DNAH6: variants seen among roughly 807,000 people sequenced by gnomAD.
The protein encoded by DNAH6 is axonemal beta dynein heavy chain 6.
DNAH6 carries 340 observed loss-of-function variants against 491.4 expected under a neutral mutation model. That is an observed-to-expected ratio of 0.69 (90% confidence interval 0.63 to 0.76). DNAH6 has a LOEUF of 0.76. DNAH6 is among the 30% of genes least tolerant of loss of function. DNAH6 has a pLI of 0.00. For missense variants in DNAH6, 4,443 were observed against 4,972.2 expected, an observed-to-expected ratio of 0.89 and a Z score of 3.20; for synonymous variants, 1,603 against 1,686.1, an observed-to-expected ratio of 0.95 and a Z score of 1.21.
At chr2:84,503,511 A>G in the DNAH6 span, among the ~76,000 whole-genome samples, 15 of 152,124 alleles carry the variant, frequency 9.9e-5, no homozygotes, top group East Asian at 2.5e-3. Flanking sequence ...GTGATCATTT[A>G]TTGCTCACTA....
intron 58 of DNAH6, among the ~76,000 whole-genome samples, chr2:84,716,856 T>C (rs1243216227): frequency 1.3e-5 from 2 of 152,166 alleles, no homozygotes; most frequent in African/African-American, 4.8e-5. Context: ...CTAACAGCCC[T>C]TAGCCAGGGT....
chr2:84,509,468 C>T, the DNAH6 span, among the ~76,000 whole-genome samples: 1 of 152,144 alleles, frequency 6.6e-6, no homozygotes, highest in Admixed American at 6.5e-5. Context: ...CTATGTGTGT[C>T]TCTTCACGTG....
chr2:84,557,401 C>G (rs910506864), intron 10 of DNAH6, among the ~76,000 whole-genome samples: 10 of 151,582 alleles, frequency 6.6e-5, no homozygotes, highest in Non-Finnish European at 1.5e-4. Flanking sequence ...AATCCCAGCA[C>G]TTTGGGAGGC....
rs1687236906 is a variant in DNAH6 at position 84,619,865 on chromosome 2, T to C, written c.3753T>C (p.Thr1251=). The C allele has an allele frequency of 1.3e-6, 2 of 1,551,320 alleles. No homozygotes were observed. The highest frequency in any genetic ancestry group is 2.4e-5 in the East Asian group (1 of 40,902). Residue 1251 remains threonine, a synonymous_variant, in exon 24 of 77, where the codon ACT becomes ACC. Coordinates refer to ENST00000389394, the MANE Select transcript of DNAH6 (RefSeq NM_001370.2). ...GIDGEPEKVY[T]NDILAMLSPE... ...ATGGAGAACCAGAAAAGGTTTATAC[T>C]AATGATATTTTAGCAATGCTGTCAC...
chr2:84,571,268 A>G (rs1198261219), intron 11 of DNAH6, among the ~76,000 whole-genome samples: 2 of 152,262 alleles, frequency 1.3e-5, no homozygotes, highest in African/African-American at 2.4e-5. Context: ...TCTGATGTGT[A>G]CTAAAATGCG....
At chr2:84,668,299 A>C (rs773415453) in intron 37 of DNAH6, among the ~76,000 whole-genome samples, 1 of 152,242 alleles carries the variant, frequency 6.6e-6, no homozygotes, top group African/African-American at 2.4e-5. Flanking sequence ...TGAATTGCAC[A>C]TAGTAGAGGT....
chr2:84,639,764 G>A (rs1689215698), intron 31 of DNAH6, among the ~76,000 whole-genome samples: 1 of 152,100 alleles, frequency 6.6e-6, no homozygotes, highest in Non-Finnish European at 1.5e-5. Flanking sequence ...AGAGCACTGT[G>A]CTAATCAGCA....
chr2:84,818,317 C>T (rs1680686408), intron 76 of DNAH6, among the ~76,000 whole-genome samples: 1 of 151,456 alleles, frequency 6.6e-6, no homozygotes, highest in Non-Finnish European at 1.5e-5. Context: ...GACGAGACCC[C>T]GTCTCTACAA....
intron 64 of DNAH6, among the ~76,000 whole-genome samples, chr2:84,773,481 T>C (rs1476737200): frequency 2.0e-5 from 3 of 152,106 alleles, no homozygotes; most frequent in Admixed American, 1.3e-4. Context: ...AGAATCTAGG[T>C]TGACTGAATA....
chr2:84,633,206 A>T (rs3890771), intron 29 of DNAH6, among the ~76,000 whole-genome samples: 4,369 of 152,176 alleles, frequency 0.029, 227 homozygotes, highest in African/African-American at 0.1. Context: ...ATTATTTTTG[A>T]ATCTCGGCGA....
At chr2:84,500,484 T>C in the DNAH6 span, among the ~76,000 whole-genome samples, 1 of 152,222 alleles carries the variant, frequency 6.6e-6, no homozygotes, top group Non-Finnish European at 1.5e-5. Flanking sequence ...GTTTTGCTCT[T>C]TTTGCTCAGG....
Position 84,611,831 on chromosome 2 carries a change from C to T in DNAH6, c.3452C>T (p.Ala1151Val). ...IMRKVNRLPNALRAATQPGLL... is the reference protein window; with the variant it reads ...IMRKVNRLPNVLRAATQPGLL... ...AGAAAGGTGAATCGGCTGCCTAATG[C>T]TCTTCGAGCCGCTACTCAGCCAGGT... is the stretch of plus-strand genomic sequence containing the variant. The change falls in exon 22 of 77, where the codon GCT becomes GTT. Residue 1151 changes from alanine to valine, a missense_variant. Coordinates refer to ENST00000389394, the MANE Select transcript of DNAH6 (RefSeq NM_001370.2). 2 of 1,550,774 alleles carry T rather than the reference C, an allele frequency of 1.3e-6. No individual in the cohort carries two copies. The highest frequency in any genetic ancestry group is 8.7e-7 in the Non-Finnish European group (1 of 1,146,464).
intron 68 of DNAH6, among the ~76,000 whole-genome samples, chr2:84,787,507 G>C (rs1677322814): frequency 7.1e-6 from 1 of 141,542 alleles, no homozygotes; most frequent in African/African-American, 2.9e-5. Flanking sequence ...AAATGGGACA[G>C]CTGCTTTCTC....
At position 84,694,430 on chromosome 2, in the gene DNAH6, A is replaced by G. The variant is rs1167672355; in HGVS notation, c.7474A>G (p.Met2492Val). ...FHEDLRKLYK[M>V]AGVEDKNMVF... Reference sequence around the variant, plus strand: ...TGAAGACCTGAGGAAGTTGTACAAAATGGCTGGTGTAGAAGACAAGAATAT... The same window carrying G: ...TGAAGACCTGAGGAAGTTGTACAAAGTGGCTGGTGTAGAAGACAAGAATAT... The change falls in exon 46 of 77, where the codon ATG becomes GTG. Residue 2492 changes from methionine (M) to valine (V), a missense_variant. By Grantham distance (21) the Met-to-Val change is conservative. This residue lies in a region of DNAH6 where 2,977 missense variants were observed against 3,296.6 expected (regional missense o/e 0.90). Transcript: ENST00000389394. 9 of 1,552,030 alleles carry G rather than the reference A, an allele frequency of 5.8e-6. No homozygotes were observed. The highest frequency in any genetic ancestry group is 7.8e-6 in the Non-Finnish European group (9 of 1,147,096).
intron 15 of DNAH6, 34 bp from the exon 16 acceptor site, chr2:84,588,792 G>A (rs777285005): frequency 4.0e-6 from 6 of 1,487,224 alleles, no homozygotes; most frequent in African/African-American, 1.4e-5. Context: ...CAAAAAGCAG[G>A]AATGGCTAAC....
In DNAH6 at chr2:84,670,390, T is replaced by C; in HGVS notation, c.6369T>C (p.Tyr2123=). ...IQESAGYVPV[Y]LNFSAQTSSA... ...AATCAGCTGGCTATGTCCCTGTTTA[T>C]CTAAATTTTTCTGCTCAAACTTCAT... Residue 2123 remains tyrosine (Y), a synonymous_variant, in exon 39 of 77, where the codon TAT becomes TAC. Transcript: ENST00000389394. 1 of 1,545,220 alleles carries C rather than the reference T, an allele frequency of 6.5e-7. No homozygotes were observed. The highest frequency in any genetic ancestry group is 8.8e-7 in the Non-Finnish European group (1 of 1,142,362).
chr2:84,611,510 A>C (rs1686330204), intron 21 of DNAH6, among the ~76,000 whole-genome samples, 164 bp from the exon 22 acceptor site: 1 of 152,098 alleles, frequency 6.6e-6, no homozygotes, highest in Non-Finnish European at 1.5e-5. Flanking sequence ...ACTAAGGTGA[A>C]TCTTGGACCT....
At chr2:84,674,591 G>C (rs368324472) in intron 40 of DNAH6, among the ~76,000 whole-genome samples, 88 of 152,260 alleles carry the variant, frequency 5.8e-4, no homozygotes, top group African/African-American at 2.0e-3. Context: ...CAAGATGAAC[G>C]CATATTCAGT....
At chr2:84,633,795 A>C (rs1688618736) in intron 29 of DNAH6, among the ~76,000 whole-genome samples, 1 of 151,622 alleles carries the variant, frequency 6.6e-6, no homozygotes, top group African/African-American at 2.4e-5. Flanking sequence ...AAGGAGAGAG[A>C]TATGCACACA....
Sources: gnomAD v4.1 joint callset for allele counts (sites outside exome capture counted in the v4.1 genomes callset) on GRCh38, gnomAD v4.1.1 for gene constraint, gnomAD v4.1.1 regional missense constraint, MANE v1.5 for transcripts, NCBI Gene and HGNC (gene_info 2026-07-23, HGNC 2026-07-21) for gene names.